USP34: variants seen among roughly 807,000 people sequenced by gnomAD.
USP34 encodes ubiquitin carboxyl-terminal hydrolase 34.
USP34 carries 70 observed loss-of-function variants against 460.3 expected under a neutral mutation model. The ratio of observed to expected loss-of-function variants is 0.15; its 90% CI spans 0.13 to 0.19. The LOEUF is 0.19. Ranked by LOEUF, USP34 falls within the 10% of genes least tolerant of loss-of-function variation. The pLI, the probability that USP34 is intolerant of heterozygous loss-of-function variation, is 1.00. For synonymous variants in USP34, 1,647 were observed against 1,405.3 expected (o/e 1.17, Z -3.85); for missense variants, 3,985 against 4,236.2 (o/e 0.94, Z 1.65).
At chr2:61,278,939 A>C (rs1347151026) in intron 39 of USP34, among the ~76,000 whole-genome samples, 1 of 152,194 alleles carries the variant, frequency 6.6e-6, no homozygotes, top group Non-Finnish European at 1.5e-5. Context: ...TTCCAAAAAA[A>C]CTTTACTTCT....
At chr2:61,200,610 C>T (rs1686948193) in intron 75 of USP34, 1 of 152,244 alleles carries the variant, frequency 6.6e-6, no homozygotes, top group Non-Finnish European at 1.5e-5. Context: ...TTGAGATGTT[C>T]TCACCAATGG....
Position 61,192,894 on chromosome 2 carries a change from T to G in USP34, c.9588+7A>C. ...AAGACCAATCATCTAAAACTCATTTTCTTTACCTGAGTCTGGCATAGCTCA... is the reference window on the plus strand; with the variant it reads ...AAGACCAATCATCTAAAACTCATTTGCTTTACCTGAGTCTGGCATAGCTCA... On this transcript the variant is annotated splice_region_variant and intron_variant, in intron 76 of 79. Coordinates refer to ENST00000398571, the MANE Select transcript of USP34 (RefSeq NM_014709.4). 1 of 1,611,748 alleles carries G rather than the reference T, an allele frequency of 6.2e-7. No homozygotes were observed. Among genetic ancestry groups the G allele is most frequent in the Non-Finnish European group, 8.5e-7 (1 of 1,178,752 alleles).
At chr2:61,315,429 G>A (rs373514920) in intron 23 of USP34, among the ~76,000 whole-genome samples, 1 of 151,480 alleles carries the variant, frequency 6.6e-6, no homozygotes, top group East Asian at 1.9e-4. Flanking sequence ...CTGGAGTGCA[G>A]TGGCGCAATC....
chr2:61,355,526 T>C (rs1692076203), intron 10 of USP34, among the ~76,000 whole-genome samples: 1 of 152,182 alleles, frequency 6.6e-6, no homozygotes, highest in Non-Finnish European at 1.5e-5. Flanking sequence ...TGAAATTAGA[T>C]TGTTATACCT....
At chr2:61,382,312 A>C (rs971832115) in intron 6 of USP34, among the ~76,000 whole-genome samples, 1 of 152,212 alleles carries the variant, frequency 6.6e-6, no homozygotes, top group Non-Finnish European at 1.5e-5. Context: ...GCCCCTGCTT[A>C]TCTCTCCACC....
rs906262609 is a variant in USP34, at chr2:61,314,967, C to G, written c.3290G>C (p.Gly1097Ala). 6.2e-7 allele frequency: 1 copy of G among 1,610,832 alleles called. No individual in the cohort carries two copies. Among genetic ancestry groups the G allele is most frequent in the Non-Finnish European group, 8.5e-7 (1 of 1,179,092 alleles). Reference sequence around the variant, plus strand: ...AGCAATGCCCCAAAATTGGTCCATACCACACAGCTAAGAAAGAAAAATATG... The same window carrying G: ...AGCAATGCCCCAAAATTGGTCCATAGCACACAGCTAAGAAAGAAAAATATG... ...YDGCSNSELCGMDQFWGIALR... is the reference protein window; with the variant it reads ...YDGCSNSELCAMDQFWGIALR... Residue 1097 changes from glycine (G) to alanine (A), a missense_variant, in exon 24 of 80, where the codon GGT becomes GCT. Gly to Ala is a moderately conservative substitution (Grantham distance 60). This residue lies in a region of USP34 where 1,114 missense variants were observed against 1,122.5 expected (regional missense o/e 0.99). Transcript: ENST00000398571.
At chr2:61,447,275 A>AC (rs1350088454) in intron 1 of USP34, among the ~76,000 whole-genome samples, 1 of 149,962 alleles carries the variant, frequency 6.7e-6, no homozygotes, top group Non-Finnish European at 1.5e-5. Context: ...AAAAAAAAAA[A>AC]AAAAAAACCA....
intron 64 of USP34, 188 bp from the exon 65 acceptor site, chr2:61,222,851 A>G: frequency 1.5e-6 from 1 of 678,722 alleles, no homozygotes; most frequent in Non-Finnish European, 2.5e-6. Flanking sequence ...ATGTGCCACT[A>G]CACCCGGCTA....
intron 44 of USP34, among the ~76,000 whole-genome samples, chr2:61,257,639 C>A (rs922921958): frequency 2.0e-5 from 3 of 152,208 alleles, no homozygotes; most frequent in Non-Finnish European, 4.4e-5. Flanking sequence ...TGGCTCAAGC[C>A]TGTAACCCCA....
intron 67 of USP34, among the ~76,000 whole-genome samples, chr2:61,214,922 A>G (rs923669839): frequency 6.6e-6 from 1 of 152,238 alleles, no homozygotes; most frequent in Non-Finnish European, 1.5e-5. Flanking sequence ...TTGAAGTGGC[A>G]ATAATTTTTA....
chr2:61,246,348 G>T lies in USP34; in HGVS notation c.6524C>A (p.Pro2175His). ...CCATTTATTGTTTTTATAAGCATGG[G>T]GATTTACTATATCTCTGATAAAGCT... is the stretch of plus-strand genomic sequence containing the variant. ...YYSFIRDIVN[P>H]HAYKNNKWYL... The change falls in exon 50 of 80, where the codon CCC becomes CAC. Residue 2175 changes from proline to histidine, a missense_variant. By Grantham distance (77) the Pro-to-His change is moderately conservative (BLOSUM62 -2). Transcript: ENST00000398571. The T allele has an allele frequency of 6.3e-7, 1 of 1,581,308 alleles. No individual in the cohort carries two copies. Among genetic ancestry groups the T allele is most frequent in the South Asian group, 1.2e-5 (1 of 84,182 alleles).
chr2:61,201,384 ATTT>A (rs34750472), intron 75 of USP34, among the ~76,000 whole-genome samples: 1 of 151,688 alleles, frequency 6.6e-6, no homozygotes, highest in Admixed American at 6.6e-5. Flanking sequence ...TGCCTAGCTA[ATTT>A]TTTTATTTTT....
chr2:61,280,218 AATAGT>A (rs1426755797), intron 39 of USP34, 21 bp downstream of exon 39: 9 of 1,272,508 alleles, frequency 7.1e-6, no homozygotes, highest in East Asian at 2.5e-5. Flanking sequence ...GAATACATAG[AATAGT>A]ATATAATTTT....
intron 70 of USP34, 60 bp downstream of exon 70, chr2:61,208,839 G>A (rs1438663368): frequency 6.6e-5 from 85 of 1,291,234 alleles, no homozygotes; most frequent in South Asian, 3.4e-4. Context: ...TATAAAGTAA[G>A]TCTTGGTGAG....
chr2:61,275,187 G>A (rs1689334779), intron 41 of USP34, among the ~76,000 whole-genome samples: 2 of 152,186 alleles, frequency 1.3e-5, no homozygotes, highest in South Asian at 2.1e-4. Context: ...GCTGAGGTGG[G>A]AGGACTGCTT....
intron 2 of USP34, among the ~76,000 whole-genome samples, chr2:61,408,455 G>C (rs997033474): frequency 1.1e-4 from 17 of 151,800 alleles, no homozygotes; most frequent in Non-Finnish European, 2.1e-4. Context: ...AAAATGAAAG[G>C]GTTTTAATTT....
chr2:61,360,233 A>C (rs1344087017), intron 10 of USP34, among the ~76,000 whole-genome samples: 2 of 152,192 alleles, frequency 1.3e-5, no homozygotes, highest in East Asian at 1.9e-4. Context: ...AAAGGACTCC[A>C]AATAGAAAAC....
intron 2 of USP34, among the ~76,000 whole-genome samples, chr2:61,418,811 A>T (rs1323538161): frequency 6.6e-6 from 1 of 152,222 alleles, no homozygotes; most frequent in Non-Finnish European, 1.5e-5. Flanking sequence ...CACAATTAAG[A>T]GTATAACATT....
Position 61,405,732 on chromosome 2 carries a change from C to T in USP34, c.528G>A (p.Lys176=), listed in dbSNP as rs373761325. The change falls in exon 3 of 80, where the codon AAG becomes AAA. Residue 176 remains lysine (K), a synonymous_variant. Transcript: ENST00000398571. The part of the protein sequence containing the change: ...QIQFPLYTAY[K]HNTHPTIEDI... ...CCTCAATAGTAGGGTGAGTATTATG[C>T]TTGTAAGCAGTATATAAGGGAAACT... 37 of 1,570,762 alleles carry T rather than the reference C, an allele frequency of 2.4e-5. No homozygotes were observed. In the African/African-American group the frequency reaches 5.1e-4, roughly 22 times the overall value.
Sources: allele counts gnomAD v4.1 joint callset (sites outside exome capture counted in the v4.1 genomes callset), GRCh38; gene constraint gnomAD v4.1.1; regional missense constraint gnomAD v4.1.1; transcripts MANE v1.5; gene names NCBI Gene and HGNC (gene_info 2026-07-23, HGNC 2026-07-21).